Variants in TNR observed in about 807,000 individuals in gnomAD.
The protein encoded by TNR is tenascin-R.
In TNR, 45 loss-of-function variants were observed where a neutral mutation model predicts 150.4. The observed-to-expected ratio is 0.30, with a 90% confidence interval of 0.24 to 0.38. The LOEUF is 0.38. Among genes scored for constraint, TNR ranks in the 10% least tolerant of loss-of-function variants. TNR has a pLI of 1.00. For synonymous variants in TNR, 687 were observed against 678.4 expected, an observed-to-expected ratio of 1.01 and a Z score of -0.20; for missense variants, 1,544 against 1,759.1, an observed-to-expected ratio of 0.88 and a Z score of 2.19.
At chr1:175,528,651 C>T (rs922190044) in intron 1 of TNR, among the ~76,000 whole-genome samples, 1 of 152,060 alleles carries the variant, frequency 6.6e-6, no homozygotes, top group Non-Finnish European at 1.5e-5. Context: ...CAGAAATGTG[C>T]TTTAGGTTTT....
intron 1 of TNR, among the ~76,000 whole-genome samples, chr1:175,680,623 GAGAGAC>G (rs1666005721): frequency 6.6e-6 from 1 of 152,128 alleles, no homozygotes; most frequent in Admixed American, 6.5e-5. Flanking sequence ...GGAAATGCAA[GAGAGAC>G]AGAGACAGAG....
At chr1:175,409,210 T>C (rs1654097659) in intron 2 of TNR, among the ~76,000 whole-genome samples, 1 of 152,230 alleles carries the variant, frequency 6.6e-6, no homozygotes, top group Admixed American at 6.5e-5. Context: ...ATCTTTCTTA[T>C]TGAATCCAAG....
chr1:175,549,390 T>C (rs1188979707), intron 1 of TNR, among the ~76,000 whole-genome samples: 2 of 152,204 alleles, frequency 1.3e-5, no homozygotes, highest in Admixed American at 6.5e-5. Context: ...ACACGGTGGA[T>C]TAGACATACA....
At chr1:175,468,622 G>A (rs1483523909) in intron 2 of TNR, among the ~76,000 whole-genome samples, 3 of 152,078 alleles carry the variant, frequency 2.0e-5, no homozygotes, top group Non-Finnish European at 2.9e-5. Flanking sequence ...CCAGACCAAG[G>A]GGATACCTAT....
intron 1 of TNR, among the ~76,000 whole-genome samples, chr1:175,707,993 C>G (rs1666885839): frequency 6.7e-6 from 1 of 149,682 alleles, no homozygotes; most frequent in Non-Finnish European, 1.5e-5. Flanking sequence ...TGACTAGGAA[C>G]AGGTACAAAG....
At chr1:175,571,778 T>C (rs1661881451) in intron 1 of TNR, among the ~76,000 whole-genome samples, 1 of 152,082 alleles carries the variant, frequency 6.6e-6, no homozygotes, top group Non-Finnish European at 1.5e-5. Flanking sequence ...CATACTTGGG[T>C]TGAAATCTAA....
At chr1:175,688,805 G>A (rs1666272697) in intron 1 of TNR, among the ~76,000 whole-genome samples, 1 of 152,218 alleles carries the variant, frequency 6.6e-6, no homozygotes, top group Admixed American at 6.5e-5. Context: ...CCAGTTCTCT[G>A]TAAGTCACTT....
At chr1:175,596,246 GA>G (rs1663001551) in intron 1 of TNR, among the ~76,000 whole-genome samples, 1 of 152,190 alleles carries the variant, frequency 6.6e-6, no homozygotes, top group South Asian at 2.1e-4. Flanking sequence ...GAAAGATGAA[GA>G]AACCCGTGTT....
chr1:175,608,258 T>C (rs1663479098), intron 1 of TNR, among the ~76,000 whole-genome samples: 2 of 152,240 alleles, frequency 1.3e-5, no homozygotes, highest in East Asian at 1.9e-4. Flanking sequence ...AAGGGATACA[T>C]AGCTTATAAG....
intron 21 of TNR, among the ~76,000 whole-genome samples, chr1:175,327,447 G>C (rs777688521): frequency 1.3e-5 from 2 of 152,010 alleles, no homozygotes; most frequent in African/African-American, 4.8e-5. Flanking sequence ...TATGTTCTTC[G>C]CTCGGACTTA....
At chr1:175,632,328 C>T (rs576421012) in intron 1 of TNR, among the ~76,000 whole-genome samples, 78 of 152,308 alleles carry the variant, frequency 5.1e-4, no homozygotes, top group African/African-American at 1.7e-3. Flanking sequence ...TTGTCAACAA[C>T]GGAGGACTCT....
chr1:175,423,289 A>G (rs920689943), intron 2 of TNR, among the ~76,000 whole-genome samples: 4 of 151,964 alleles, frequency 2.6e-5, no homozygotes, highest in African/African-American at 4.8e-5. Flanking sequence ...TTCCTCCTCC[A>G]TCTTCCTCAG....
chr1:175,388,172 T>C lies in TNR; in HGVS notation c.1508-1871A>G, dbSNP rs145446931. On this transcript the variant is annotated intron_variant, in intron 7 of 22. Transcript: ENST00000367674. Reference sequence around the variant, plus strand: ...TATCTGAAGCATAGTAGACACTCAGTAAATGTGTGTCGAGTAAATGAAATG... The same window carrying C: ...TATCTGAAGCATAGTAGACACTCAGCAAATGTGTGTCGAGTAAATGAAATG... 6.6e-4 allele frequency among the ~76,000 whole-genome samples: 100 copies of C among 152,104 alleles called. No homozygotes were observed. The East Asian group carries it at 0.014, about 21-fold the overall frequency.
intron 2 of TNR, among the ~76,000 whole-genome samples, chr1:175,440,021 T>C (rs1571442089): frequency 2.0e-5 from 3 of 152,278 alleles, no homozygotes; most frequent in South Asian, 2.1e-4. Context: ...CATCCCATTA[T>C]TGGGTATATA....
chr1:175,352,828 A>G (rs972416006), intron 18 of TNR, among the ~76,000 whole-genome samples: 2 of 152,250 alleles, frequency 1.3e-5, no homozygotes, highest in African/African-American at 2.4e-5. Flanking sequence ...TCCGCACTCT[A>G]TAGAACCACT....
intron 2 of TNR, among the ~76,000 whole-genome samples, chr1:175,417,656 G>A (rs1654561232): frequency 1.3e-5 from 2 of 150,936 alleles, no homozygotes; most frequent in African/African-American, 4.9e-5. Context: ...TTTTTTCTTA[G>A]AACATTGAAA....
rs1294731158 is a variant in TNR at position 175,500,152 on chromosome 1, C to T, written c.-64+28117G>A. Among the ~76,000 whole-genome samples the T allele has an allele frequency of 2.0e-5, 3 of 152,186 alleles. No homozygotes were observed. The East Asian group carries it at 5.8e-4, about 29-fold the overall frequency. ...TGGAGCTCAAAGGCTGACTTTTCAC[C>T]ACCTGGGGGACGTGAATGAGTCACT... On this transcript the variant is annotated intron_variant, in intron 2 of 22. Transcript: ENST00000367674.
chr1:175,402,255 C>T (rs371776800), intron 4 of TNR, among the ~76,000 whole-genome samples: 99 of 125,072 alleles, frequency 7.9e-4, no homozygotes, highest in African/African-American at 3.1e-3. Context: ...TGCAGTGAGC[C>T]GAGATTGCGC....
At chr1:175,466,717 G>T (rs1417201947) in intron 2 of TNR, among the ~76,000 whole-genome samples, 1 of 152,214 alleles carries the variant, frequency 6.6e-6, no homozygotes, top group Non-Finnish European at 1.5e-5. Context: ...ACCTGGCATT[G>T]TCTGATGCTG....
Sources: gnomAD v4.1 joint callset for allele counts (sites outside exome capture counted in the v4.1 genomes callset) on GRCh38, gnomAD v4.1.1 for gene constraint, MANE v1.5 for transcripts, NCBI Gene and HGNC (gene_info 2026-07-23, HGNC 2026-07-21) for gene names.